Variants in GLDC observed in about 807,000 individuals in gnomAD.
GLDC encodes the protein glycine dehydrogenase (decarboxylating), mitochondrial.
In GLDC, 104 loss-of-function variants were observed where a neutral mutation model predicts 121.3. The ratio of observed to expected loss-of-function variants is 0.86; its 90% confidence interval spans 0.73 to 1.01. The LOEUF (loss-of-function observed/expected upper bound fraction) is 1.01. Among genes scored for constraint, GLDC ranks in the 50% least tolerant of loss-of-function variants. GLDC has a pLI of 0.00. For missense variants in GLDC, 1,429 were observed against 1,306.6 expected (o/e 1.09, Z -1.44); for synonymous variants, 546 against 480.6 (o/e 1.14, Z -1.78).
At chr9:6,643,461 C>A (rs1819669590) in intron 2 of GLDC, among the ~76,000 whole-genome samples, 1 of 150,572 alleles carries the variant, frequency 6.6e-6, no homozygotes. Flanking sequence ...AAAACAGCTG[C>A]TCTCTCTTCA....
In GLDC at chr9:6,536,151, G is replaced by A. The variant is rs775143096; in HGVS notation, c.2751C>T (p.Asp917=). 8 of 1,614,072 alleles carry A rather than the reference G, an allele frequency of 5.0e-6. No homozygotes were observed. In the Admixed American group the frequency reaches 1.2e-4, roughly 24 times the overall value. ...PTESEDKAEL[D]RFCDAMISIR... is the part of the protein sequence containing the mutation. ...TGCTGATCATGGCATCACAGAATCTGTCCAGCTCTGCCTTGTCCTCCGACT... is the reference window on the plus strand; with the variant it reads ...TGCTGATCATGGCATCACAGAATCTATCCAGCTCTGCCTTGTCCTCCGACT... Residue 917 remains aspartate (D), a synonymous_variant, in exon 23 of 25, where the codon GAC becomes GAT. Coordinates refer to ENST00000321612, the MANE Select transcript of GLDC (RefSeq NM_000170.3).
intron 17 of GLDC, chr9:6,557,540 G>C (rs1817660327): frequency 6.6e-6 from 1 of 152,018 alleles, no homozygotes; most frequent in Non-Finnish European, 1.5e-5. Context: ...GTTGCAGTGA[G>C]CCGAGATCGT....
intron 7 of GLDC, among the ~76,000 whole-genome samples, chr9:6,602,771 G>C (rs1818643463): frequency 6.6e-6 from 1 of 152,060 alleles, no homozygotes; most frequent in Admixed American, 6.6e-5. Flanking sequence ...TGACTGGGAG[G>C]ATTAAGTTTC....
intron 2 of GLDC, among the ~76,000 whole-genome samples, chr9:6,637,560 A>C (rs895738659): frequency 6.6e-6 from 1 of 151,954 alleles, no homozygotes; most frequent in Non-Finnish European, 1.5e-5. Context: ...TCCACCTCCC[A>C]GGTTCAAGCT....
intron 15 of GLDC, among the ~76,000 whole-genome samples, chr9:6,575,523 G>A (rs937881952): frequency 2.0e-5 from 3 of 152,170 alleles, no homozygotes; most frequent in African/African-American, 7.2e-5. Flanking sequence ...AAGCCCTCCA[G>A]GTGATTCTCA....
chr9:6,576,816 T>C (rs1480940279), intron 15 of GLDC, among the ~76,000 whole-genome samples: 1 of 152,228 alleles, frequency 6.6e-6, no homozygotes, highest in Non-Finnish European at 1.5e-5. Flanking sequence ...AAACATTCAA[T>C]CTATAGCACT....
At chr9:6,640,144 T>G (rs927354896) in intron 2 of GLDC, among the ~76,000 whole-genome samples, 2 of 152,254 alleles carry the variant, frequency 1.3e-5, no homozygotes, top group Non-Finnish European at 2.9e-5. Flanking sequence ...TCTGCCAATA[T>G]GCAAGTCTGA....
chr9:6,574,553 G>T (rs1818028232), intron 15 of GLDC, among the ~76,000 whole-genome samples: 1 of 152,084 alleles, frequency 6.6e-6, no homozygotes, highest in Non-Finnish European at 1.5e-5. Flanking sequence ...AGAAATTCTG[G>T]GGTGCAGTCC....
intron 15 of GLDC, among the ~76,000 whole-genome samples, chr9:6,581,936 C>T (rs913339449): frequency 1.3e-5 from 2 of 152,128 alleles, no homozygotes; most frequent in African/African-American, 4.8e-5. Flanking sequence ...AACATATAGG[C>T]TGGGCGTGGT....
chr9:6,596,923 C>T (rs1422524014), intron 8 of GLDC, among the ~76,000 whole-genome samples: 1 of 152,206 alleles, frequency 6.6e-6, no homozygotes, highest in Non-Finnish European at 1.5e-5. Flanking sequence ...TACATCCATA[C>T]AAAAATTTAC....
chr9:6,546,186 T>C (rs1332875423), intron 21 of GLDC, among the ~76,000 whole-genome samples: 1 of 151,726 alleles, frequency 6.6e-6, no homozygotes, highest in East Asian at 1.9e-4. Context: ...TATCATTGTC[T>C]TCCACCTCCT....
intron 16 of GLDC, among the ~76,000 whole-genome samples, chr9:6,560,918 G>C (rs1817743274): frequency 6.6e-6 from 1 of 152,208 alleles, no homozygotes; most frequent in South Asian, 2.1e-4. Context: ...GTCCTCATCA[G>C]AGGGAAGCAG....
intron 21 of GLDC, among the ~76,000 whole-genome samples, chr9:6,546,620 G>C (rs1049343645): frequency 2.6e-5 from 4 of 151,850 alleles, no homozygotes; most frequent in Non-Finnish European, 5.9e-5. Flanking sequence ...CCCTGAAGCT[G>C]TTTTACAGTT....
At chr9:6,609,685 C>T (rs1178854751) in intron 4 of GLDC, among the ~76,000 whole-genome samples, 2 of 152,032 alleles carry the variant, frequency 1.3e-5, no homozygotes, top group Admixed American at 6.6e-5. Context: ...CCCCTGCTCC[C>T]GCCCTCTGCC....
chr9:6,585,892 C>CT (rs558883539), intron 15 of GLDC, among the ~76,000 whole-genome samples: 44,370 of 149,376 alleles, frequency 0.3, 6,972 homozygotes, highest in Middle Eastern at 0.35. Context: ...ATCTATCTAT[C>CT]ATCTGTCCAT....
rs1328107891 is a variant in GLDC, at chr9:6,620,192, G to T, written c.462C>A (p.Asn154Lys). 4 of 1,612,670 alleles carry T rather than the reference G, an allele frequency of 2.5e-6. No individual in the cohort carries two copies. Among genetic ancestry groups the T allele is most frequent in the Non-Finnish European group, 3.4e-6 (4 of 1,179,778 alleles). Residue 154 changes from asparagine (N) to lysine (K), a missense_variant, in exon 3 of 25, where the codon AAC becomes AAA. Transcript: ENST00000321612. ...PQTILRNLLE[N>K]SGWITQYTPY... ...ACTGAGAAATACATTACCATCCTGA[G>T]TTCTCCAGTAAGTTCCGCAAAATCG...
intron 2 of GLDC, among the ~76,000 whole-genome samples, chr9:6,637,015 C>T (rs34407041): frequency 0.023 from 3,518 of 151,564 alleles, 56 homozygotes; most frequent in Non-Finnish European, 0.035. Flanking sequence ...ACCCAGGAGG[C>T]GGAGGTTGCA....
intron 2 of GLDC, among the ~76,000 whole-genome samples, chr9:6,642,182 A>C (rs1819643287): frequency 6.6e-6 from 1 of 152,176 alleles, no homozygotes; most frequent in Non-Finnish European, 1.5e-5. Flanking sequence ...TTCTGCGTGA[A>C]TCATCCCAAA....
rs2129895844 is a variant in GLDC, at chr9:6,604,635, T to C, written c.1011A>G (p.Arg337=). 1 of 1,613,566 alleles carries C rather than the reference T, an allele frequency of 6.2e-7. No homozygotes were observed. The highest frequency in any genetic ancestry group is 1.7e-5 in the Admixed American group (1 of 60,016). ...GGPHAAFFAV[R]ESLVRMMPGR... ...CAGGCATCATTCTCACCAAGCTTTC[T>C]CGGACAGCAAAAAATGCTGCATGGG... Residue 337 remains arginine (R), a synonymous_variant, in exon 7 of 25, where the codon CGA becomes CGG. Coordinates refer to ENST00000321612, the MANE Select transcript of GLDC (RefSeq NM_000170.3).
Sources: gnomAD v4.1 joint callset for allele counts (sites outside exome capture counted in the v4.1 genomes callset) on GRCh38, gnomAD v4.1.1 for gene constraint, MANE v1.5 for transcripts, NCBI Gene and HGNC (gene_info 2026-07-23, HGNC 2026-07-21) for gene names.